AGBL4: variants seen among roughly 807,000 people sequenced by gnomAD.
The protein encoded by AGBL4 is AGBL carboxypeptidase 4.
In AGBL4, 58 loss-of-function variants were observed where a neutral mutation model predicts 66.4. That is an observed-to-expected ratio of 0.87 (90% CI 0.71 to 1.09). AGBL4 has a LOEUF of 1.09. Ranked by LOEUF, AGBL4 falls within the 50% of genes least tolerant of loss-of-function variation. AGBL4 has a pLI of 0.00. For missense variants in AGBL4, 579 were observed against 631.0 expected, an observed-to-expected ratio of 0.92 and a Z score of 0.88; for synonymous variants, 234 against 222.9, an observed-to-expected ratio of 1.05 and a Z score of -0.44.
chr1:48,602,492 C>G (rs1480596936), intron 9 of AGBL4, among the ~76,000 whole-genome samples: 2 of 152,176 alleles, frequency 1.3e-5, no homozygotes, highest in African/African-American at 4.8e-5. Context: ...CTTCAAGACA[C>G]AAGTGCAAGG....
chr1:49,670,776 A>C (rs1320047932), intron 3 of AGBL4, among the ~76,000 whole-genome samples: 1 of 152,182 alleles, frequency 6.6e-6, no homozygotes, highest in African/African-American at 2.4e-5. Flanking sequence ...AGTGACTTAC[A>C]GGAAGCCAGA....
intron 3 of AGBL4, among the ~76,000 whole-genome samples, chr1:49,286,213 A>C (rs1205625970): frequency 1.3e-5 from 2 of 152,194 alleles, no homozygotes; most frequent in Non-Finnish European, 2.9e-5. Context: ...GACATATCTT[A>C]AAATAATAAG....
Position 49,886,463 on chromosome 1 carries a change from T to C in AGBL4, c.35-34945A>G, listed in dbSNP as rs141641905. Among the ~76,000 whole-genome samples the C allele has an allele frequency of 3.4e-3, 513 of 152,254 alleles. 5 individuals are homozygous for C. The highest frequency in any genetic ancestry group is 0.012 in the African/African-American group (494 of 41,564). On this transcript the variant is annotated intron_variant, in intron 1 of 13. Coordinates refer to ENST00000371839, the MANE Select transcript of AGBL4 (RefSeq NM_032785.4). ...ATGATATGCTAAGAAGGTTAGATTG[T>C]ATCCTAAAGAGAGTAAAAACCAATC...
At chr1:49,302,608 TTTTTATTTTATTTTA>T (rs1167039507) in intron 3 of AGBL4, among the ~76,000 whole-genome samples, 7,971 of 109,808 alleles carry the variant, frequency 0.073, 409 homozygotes, top group African/African-American at 0.15. Context: ...TTATTTTATT[TTTTTATTTTATTTTA>T]TTTTATTTTA....
At chr1:49,145,690 T>C (rs1192107444) in intron 4 of AGBL4, among the ~76,000 whole-genome samples, 1 of 152,136 alleles carries the variant, frequency 6.6e-6, no homozygotes, top group East Asian at 1.9e-4. Context: ...CGACTTCACG[T>C]GCCTAAGGTT....
At chr1:48,657,050 G>A (rs1557859189) in intron 7 of AGBL4, among the ~76,000 whole-genome samples, 1 of 152,154 alleles carries the variant, frequency 6.6e-6, no homozygotes. Flanking sequence ...TGTTGGTAAC[G>A]GAAAGCCTTT....
At chr1:49,421,430 C>T (rs954068017) in intron 3 of AGBL4, among the ~76,000 whole-genome samples, 3 of 152,082 alleles carry the variant, frequency 2.0e-5, no homozygotes, top group Admixed American at 2.0e-4. Context: ...AAACATAAAA[C>T]ATTGTCTGAA....
chr1:48,991,617 C>T (rs1235178816), intron 5 of AGBL4, among the ~76,000 whole-genome samples: 1 of 151,998 alleles, frequency 6.6e-6, no homozygotes, highest in Non-Finnish European at 1.5e-5. Context: ...TTAGAATTGC[C>T]CCCTTTTGAG....
chr1:49,874,125 T>A (rs954869611), intron 1 of AGBL4, among the ~76,000 whole-genome samples: 6 of 152,064 alleles, frequency 3.9e-5, no homozygotes, highest in African/African-American at 1.4e-4. Context: ...ATAATGTTTT[T>A]ACTACAAATA....
intron 5 of AGBL4, among the ~76,000 whole-genome samples, chr1:48,891,807 G>A (rs1325429755): frequency 6.6e-6 from 1 of 152,084 alleles, no homozygotes; most frequent in Non-Finnish European, 1.5e-5. Flanking sequence ...ACCATTAAAT[G>A]GCAGAACTAG....
chr1:48,954,559 G>C (rs1223335258), intron 5 of AGBL4, among the ~76,000 whole-genome samples: 1 of 152,194 alleles, frequency 6.6e-6, no homozygotes, highest in Non-Finnish European at 1.5e-5. Context: ...ATACTATGTA[G>C]AAAAGTGCTA....
chr1:49,836,030 C>G (rs976288466), intron 2 of AGBL4, among the ~76,000 whole-genome samples: 8 of 152,044 alleles, frequency 5.3e-5, no homozygotes, highest in Admixed American at 4.6e-4. Flanking sequence ...TTATTTCAAC[C>G]TTAGTAAATC....
At chr1:48,693,728 G>A (rs1646670226) in intron 6 of AGBL4, among the ~76,000 whole-genome samples, 1 of 152,176 alleles carries the variant, frequency 6.6e-6, no homozygotes, top group South Asian at 2.1e-4. Flanking sequence ...TCACTTCACA[G>A]AACAGCCGTG....
At chr1:49,766,826 T>A in intron 2 of AGBL4, among the ~76,000 whole-genome samples, 1 of 151,670 alleles carries the variant, frequency 6.6e-6, no homozygotes. Flanking sequence ...CTAAAAATAG[T>A]AAAACAAATC....
chr1:49,180,436 C>A (rs1270824339), intron 4 of AGBL4, among the ~76,000 whole-genome samples: 1 of 152,176 alleles, frequency 6.6e-6, no homozygotes, highest in African/African-American at 2.4e-5. Context: ...AAATAATAGT[C>A]TCTTTCCAAC....
chr1:49,518,112 C>A (rs996785466), intron 3 of AGBL4, among the ~76,000 whole-genome samples: 1 of 152,062 alleles, frequency 6.6e-6, no homozygotes, highest in Non-Finnish European at 1.5e-5. Context: ...GGAAGCCAGA[C>A]AACTGAACAG....
intron 2 of AGBL4, among the ~76,000 whole-genome samples, chr1:49,815,259 C>T (rs368522569): frequency 4.6e-5 from 7 of 152,148 alleles, no homozygotes; most frequent in Non-Finnish European, 7.4e-5. Context: ...CACAAATAAC[C>T]GAGTACATGA....
At chr1:49,420,588 C>A (rs1429455906) in intron 3 of AGBL4, among the ~76,000 whole-genome samples, 1 of 151,760 alleles carries the variant, frequency 6.6e-6, no homozygotes, top group Non-Finnish European at 1.5e-5. Context: ...GCAGTCCCAG[C>A]TACTCGGGAG....
intron 3 of AGBL4, among the ~76,000 whole-genome samples, chr1:49,365,587 C>T (rs930129232): frequency 6.6e-6 from 1 of 150,526 alleles, no homozygotes; most frequent in African/African-American, 2.4e-5. Flanking sequence ...TTATTATTAT[C>T]ATTATAATTT....
Sources: allele counts gnomAD v4.1 joint callset (sites outside exome capture counted in the v4.1 genomes callset), GRCh38; gene constraint gnomAD v4.1.1; transcripts MANE v1.5; gene names NCBI Gene and HGNC (gene_info 2026-07-23, HGNC 2026-07-21).